ROBO4: variants seen among roughly 807,000 people sequenced by gnomAD.
The protein encoded by ROBO4 is roundabout guidance receptor 4, also known as roundabout homolog 4.
Under a neutral mutation model 103.3 loss-of-function variants are expected in ROBO4, and 80 were observed. The ratio of observed to expected loss-of-function variants is 0.77; its 90% CI spans 0.65 to 0.93. The LOEUF (loss-of-function observed/expected upper bound fraction) is 0.93, where lower values mean the gene tolerates loss of function less well. Ranked by LOEUF, ROBO4 falls within the 40% of genes least tolerant of loss-of-function variation. The pLI is 0.00. For missense variants in ROBO4, 1,333 were observed against 1,305.3 expected (o/e 1.02, Z -0.33); for synonymous variants, 504 against 529.7 (o/e 0.95, Z 0.67).
intron 1 of ROBO4, 23 bp from the exon 2 acceptor site, chr11:124,897,284 C>G: frequency 1.4e-6 from 2 of 1,417,566 alleles, no homozygotes; most frequent in Non-Finnish European, 1.8e-6. Flanking sequence ...GGGAGCAGAG[C>G]CCAGTCTGAT....
At chr11:124,890,861 C>G (rs931377050) in intron 12 of ROBO4, among the ~76,000 whole-genome samples, 23 of 152,254 alleles carry the variant, frequency 1.5e-4, no homozygotes, top group Admixed American at 6.5e-5. Context: ...TCGTGGGAGC[C>G]TGAGGCTTTG....
At chr11:124,889,179 GT>G (rs1005695933) in intron 12 of ROBO4, among the ~76,000 whole-genome samples, 2 of 152,196 alleles carry the variant, frequency 1.3e-5, no homozygotes, top group African/African-American at 4.8e-5. Flanking sequence ...TACTTTGGCT[GT>G]TTGGTTTTTA....
Position 124,896,674 on chromosome 11 carries a change from TG to T in ROBO4, c.401-5del, listed in dbSNP as rs1351516900. On this transcript the variant is annotated splice_region_variant and splice_polypyrimidine_tract_variant and intron_variant, in intron 2 of 17. Coordinates refer to ENST00000306534, the MANE Select transcript of ROBO4 (RefSeq NM_019055.6). ...ATCTGGAAATCCTCCCGGAGGACTG[TG>T]GGGAGGATGGAAGGTGACACGGAGC... is the stretch of plus-strand genomic sequence containing the variant. 3 of 1,613,686 alleles carry T rather than the reference TG, an allele frequency of 1.9e-6. No homozygotes were observed. Among genetic ancestry groups the T allele is most frequent in the African/African-American group, 2.7e-5 (2 of 75,054 alleles).
In ROBO4 at chr11:124,893,566, A is replaced by G. The variant is rs868610159; in HGVS notation, c.1547+122T>C. 2.4e-5 allele frequency: 20 copies of G among 835,006 alleles called. No homozygotes were observed. In the Middle Eastern group the frequency reaches 7.6e-4, roughly 32 times the overall value. The allele number at this position is 835,006 out of a possible 1,614,324, so 51.7% of individuals were successfully genotyped here. The stretch of plus-strand genomic sequence containing the variant: ...GAACTATCAGTTGGAGTTACAGGAG[A>G]GATTCATGTACGACAGTCCCAAACT... On this transcript the variant is annotated intron_variant, in intron 10 of 17. Coordinates refer to ENST00000306534, the MANE Select transcript of ROBO4 (RefSeq NM_019055.6).
intron 11 of ROBO4, 50 bp from the exon 12 acceptor site, chr11:124,891,612 A>G (rs1228185772): frequency 6.2e-7 from 1 of 1,614,170 alleles, no homozygotes; most frequent in South Asian, 1.1e-5. Flanking sequence ...CCTGCTTTCC[A>G]TCCCTGAGAT....
At chr11:124,885,598 G>A (rs1045164939) in intron 16 of ROBO4, among the ~76,000 whole-genome samples, 8 of 135,670 alleles carry the variant, frequency 5.9e-5, no homozygotes, top group East Asian at 2.1e-4. Context: ...TTTTTTTGTC[G>A]GGGCAAAGGA....
rs750650495 is a variant in ROBO4 at position 124,891,386 on chromosome 11, A to AGAGTCCCCTGCG, written c.1860_1861insCGCAGGGGACTC (p.Ser620_Ser621insArgArgGlyLeu). The AGAGTCCCCTGCG allele has an allele frequency of 1.1e-5, 17 of 1,568,268 alleles. No homozygotes were observed. Among genetic ancestry groups the AGAGTCCCCTGCG allele is most frequent in the Non-Finnish European group, 1.5e-5 (17 of 1,156,606 alleles). ...CCCCTGCGGCTGCAGAGGCTGTCTG[A>AGAGTCCCCTGCG]GCTGGAACAGGGGCTGGAGAGCTGG... is the stretch of plus-strand genomic sequence containing the variant. On this transcript the variant is annotated inframe_insertion, in exon 12 of 18. Coordinates refer to ENST00000306534, the MANE Select transcript of ROBO4 (RefSeq NM_019055.6).
At position 124,894,045 on chromosome 11, in the gene ROBO4, T is replaced by G; in HGVS notation, c.1319A>C (p.Glu440Ala). 6.5e-7 allele frequency: 1 copy of G among 1,546,540 alleles called. No homozygotes were observed. The highest frequency in any genetic ancestry group is 8.7e-7 in the Non-Finnish European group (1 of 1,146,502). ...EPSRPVCLLL[E>A]QAMERATQEP... ...TTGGGTGGCTCGCTCCATGGCCTGC[T>G]CTGTATGGGATGCAGAGCTCAGAGG... is the stretch of plus-strand genomic sequence containing the variant. The change falls in exon 9 of 18, where the codon GAG (glutamate) becomes GCG (alanine). Residue 440 changes from glutamate (E) to alanine (A), a missense_variant and splice_region_variant. Coordinates refer to ENST00000306534, the MANE Select transcript of ROBO4 (RefSeq NM_019055.6).
At chr11:124,891,904 A>C in intron 10 of ROBO4, 102 bp from the exon 11 acceptor site, 1 of 1,325,160 alleles carries the variant, frequency 7.5e-7, no homozygotes, top group Non-Finnish European at 1.1e-6. Flanking sequence ...GAGGGCAAGG[A>C]GATGGTGGCT....
chr11:124,885,078 C>A lies in ROBO4; in HGVS notation c.2964G>T (p.Gln988His). ...GCATACGACAGTGGAGCTGACTTCT[C>A]TGGGAAGAGATCTGAGAGTCAGGGG... The part of the protein sequence containing the change: ...PWPPDSQISS[Q>H]RSQLHCRMPK... The change falls in exon 17 of 18, where the codon CAG (glutamine) becomes CAT (histidine). Residue 988 changes from glutamine to histidine, a missense_variant. By Grantham distance (24) the Gln-to-His change is conservative. Transcript: ENST00000306534. The A allele has an allele frequency of 6.2e-7, 1 of 1,614,190 alleles. No individual in the cohort carries two copies. The highest frequency in any genetic ancestry group is 1.1e-5 in the South Asian group (1 of 91,070).
intron 12 of ROBO4, among the ~76,000 whole-genome samples, chr11:124,889,514 C>A (rs1415129069): frequency 6.6e-6 from 1 of 152,102 alleles, no homozygotes; most frequent in Non-Finnish European, 1.5e-5. Flanking sequence ...AAAATGTTAT[C>A]AAGGTGAAAG....
chr11:124,894,225 T>G lies in ROBO4; in HGVS notation c.1294A>C (p.Ser432Arg). The G allele has an allele frequency of 6.2e-7, 1 of 1,613,344 alleles. No homozygotes were observed. Among genetic ancestry groups the G allele is most frequent in the Non-Finnish European group, 8.5e-7 (1 of 1,179,758 alleles). Residue 432 changes from serine to arginine, a missense_variant, in exon 8 of 18, where the codon AGT (serine) becomes CGT (arginine). Physicochemically the swap from Ser to Arg is moderately radical, Grantham distance 110. Coordinates refer to ENST00000306534, the MANE Select transcript of ROBO4 (RefSeq NM_019055.6). Reference sequence around the variant, plus strand: ...CCTAAAAGGAGGCAGACAGGTCTACTGGGCTCCCCAGCTCCAGCACCAGTG... The same window carrying G: ...CCTAAAAGGAGGCAGACAGGTCTACGGGGCTCCCCAGCTCCAGCACCAGTG... ...AVTGAGAGEP[S>R]RPVCLLLEQA...
chr11:124,893,915 C>T lies in ROBO4; in HGVS notation c.1449G>A (p.Leu483=). 6.2e-7 allele frequency: 1 copy of T among 1,612,006 alleles called. No individual in the cohort carries two copies. The highest frequency in any genetic ancestry group is 8.5e-7 in the Non-Finnish European group (1 of 1,179,746). The stretch of plus-strand genomic sequence containing the variant: ...GGCGGTGGATACACACGGCGGTGCC[C>T]AGAAGCAGCAGCCAGAGTGCAACAC... The part of the protein sequence containing the change: ...TCGVALWLLL[L]GTAVCIHRRR... Residue 483 remains leucine, a synonymous_variant, in exon 9 of 18, where the codon CTG becomes CTA. Coordinates refer to ENST00000306534, the MANE Select transcript of ROBO4 (RefSeq NM_019055.6).
At position 124,884,376 on chromosome 11, in the gene ROBO4, T is replaced by C. The variant is rs1356748160; in HGVS notation, c.*515A>G. On this transcript the variant is annotated 3_prime_UTR_variant, in exon 18 of 18. Transcript: ENST00000306534. Reference sequence around the variant, plus strand: ...TGTTTGGCATGAGGTAGGGCCTCAGTGCCTCAGTGGCATTCATAATTATTT... The same window carrying C: ...TGTTTGGCATGAGGTAGGGCCTCAGCGCCTCAGTGGCATTCATAATTATTT... 5.9e-6 allele frequency: 1 copy of C among 170,666 alleles called. No homozygotes were observed. The highest frequency in any genetic ancestry group is 1.3e-5 in the Non-Finnish European group (1 of 79,510). 10.6% of individuals were successfully genotyped at this position (170,666 alleles called of 1,614,324 possible).
intron 7 of ROBO4, among the ~76,000 whole-genome samples, chr11:124,894,864 A>C (rs1294820949): frequency 6.6e-6 from 1 of 152,210 alleles, no homozygotes; most frequent in Non-Finnish European, 1.5e-5. Flanking sequence ...AATTGGGGAT[A>C]ATACCCCAGG....
At chr11:124,888,444 CA>C (rs1946750495) in intron 12 of ROBO4, among the ~76,000 whole-genome samples, 1 of 152,114 alleles carries the variant, frequency 6.6e-6, no homozygotes, top group South Asian at 2.1e-4. Flanking sequence ...GTGGGTAGGA[CA>C]AAAACAGGGA....
At chr11:124,889,902 G>A (rs867633788) in intron 12 of ROBO4, among the ~76,000 whole-genome samples, 4 of 152,286 alleles carry the variant, frequency 2.6e-5, no homozygotes, top group African/African-American at 9.6e-5. Context: ...AGGAGTCGCT[G>A]CAGTTGACCT....
chr11:124,895,502 G>A lies in ROBO4; in HGVS notation c.991C>T (p.Arg331Ter), dbSNP rs1246818606. The A allele has an allele frequency of 3.7e-6, 6 of 1,611,108 alleles. No homozygotes were observed. Among genetic ancestry groups the A allele is most frequent in the African/African-American group, 2.7e-5 (2 of 74,910 alleles). The change falls in exon 6 of 18, where the codon CGA becomes TGA. Residue 331 changes from arginine to a stop codon, truncating the protein, a stop_gained. Coordinates refer to ENST00000306534, the MANE Select transcript of ROBO4 (RefSeq NM_019055.6). LOFTEE classifies it high-confidence loss of function. The stretch of plus-strand genomic sequence containing the variant: ...AGCAGCACGTTGCTGTCAGGGCCTC[G>A]AGCCCGGCCAGAGGATGGTCTCACT... ...FKVRPSSGRA[R>*]GPDSNVLLLR...
chr11:124,896,422 G>A (rs1946891670), intron 3 of ROBO4, 91 bp downstream of exon 3: 7 of 1,592,234 alleles, frequency 4.4e-6, no homozygotes, highest in East Asian at 4.5e-5. Context: ...TTCTACCGGA[G>A]GATGCGGGGC....
Sources: allele counts gnomAD v4.1 joint callset (sites outside exome capture counted in the v4.1 genomes callset), GRCh38; gene constraint gnomAD v4.1.1; transcripts MANE v1.5; gene names NCBI Gene and HGNC (gene_info 2026-07-23, HGNC 2026-07-21).